The following TRAF2 variants were observed in gnomAD, a reference collection of about 807,000 sequenced individuals.
TRAF2 encodes TNF receptor-associated factor 2.
A neutral mutation model predicts 55.6 loss-of-function variants in TRAF2; 6 were observed. The observed-to-expected ratio is 0.11, with a 90% CI of 0.06 to 0.21. TRAF2 has a LOEUF of 0.21. Among genes scored for constraint, TRAF2 ranks in the 10% least tolerant of loss-of-function variants. The probability of loss-of-function intolerance (pLI) is 1.00; values close to 1 mark genes in which losing one functional copy is unlikely to be tolerated. For synonymous variants in TRAF2, 329 were observed against 276.3 expected (o/e 1.19, Z -1.89); for missense variants, 561 against 684.5 (o/e 0.82, Z 2.01).
chr9:136,913,367 G>A (rs913663020), intron 6 of TRAF2, among the ~76,000 whole-genome samples: 3 of 124,188 alleles, frequency 2.4e-5, no homozygotes, highest in Non-Finnish European at 3.1e-5. Flanking sequence ...GCGCAATCTC[G>A]GTTCACTGCA....
intron 7 of TRAF2, among the ~76,000 whole-genome samples, chr9:136,917,738 G>A (rs910427660): frequency 6.6e-6 from 1 of 152,194 alleles, no homozygotes; most frequent in Non-Finnish European, 1.5e-5. Flanking sequence ...GAAAAGGAGC[G>A]TGGCTGCTTC....
At chr9:136,900,178 AAAAAGAAT>A (rs1849783040) in intron 3 of TRAF2, among the ~76,000 whole-genome samples, 1 of 125,546 alleles carries the variant, frequency 8.0e-6, no homozygotes, top group African/African-American at 3.7e-5. Context: ...TTAAAAAAAA[AAAAAGAAT>A]AAAGGGCCGC....
At chr9:136,904,355 C>T (rs1849895802) in intron 4 of TRAF2, among the ~76,000 whole-genome samples, 1 of 152,138 alleles carries the variant, frequency 6.6e-6, no homozygotes, top group Non-Finnish European at 1.5e-5. Flanking sequence ...AGGTGGGAAC[C>T]CACTGTGCCC....
intron 1 of TRAF2, among the ~76,000 whole-genome samples, chr9:136,896,774 A>G (rs1849689420): frequency 6.6e-6 from 1 of 151,918 alleles, no homozygotes; most frequent in Admixed American, 6.6e-5. Context: ...ACGCCCGGCT[A>G]ATTTTTTGTA....
Position 136,896,310 on chromosome 9 carries a change from C to T in TRAF2, c.-28-2403C>T, listed in dbSNP as rs546658866. Among the ~76,000 whole-genome samples, 5 of 152,324 alleles carry T rather than the reference C, an allele frequency of 3.3e-5. No individual in the cohort carries two copies. The South Asian group carries it at 6.2e-4, about 19-fold the overall frequency. On this transcript the variant is annotated intron_variant, in intron 1 of 10. Transcript: ENST00000247668. ...GAGCATCAGGTGACACGTGCCCCCA[C>T]GGGGAGCGCAAGAAGGCACTGGAGG...
intron 4 of TRAF2, among the ~76,000 whole-genome samples, chr9:136,901,029 G>A (rs1849808168): frequency 6.6e-6 from 1 of 152,170 alleles, no homozygotes; most frequent in African/African-American, 2.4e-5. Context: ...CAGAAATAAT[G>A]GACACACTTG....
chr9:136,915,295 C>A (rs149305573), intron 6 of TRAF2, among the ~76,000 whole-genome samples: 1 of 152,164 alleles, frequency 6.6e-6, no homozygotes, highest in Non-Finnish European at 1.5e-5. Context: ...TCCGCAGCGC[C>A]GTGCGGTCGT....
At chr9:136,899,459 C>T in intron 2 of TRAF2, 135 bp from the exon 3 acceptor site, 3 of 674,136 alleles carry the variant, frequency 4.5e-6, no homozygotes, top group Admixed American at 2.8e-5. Flanking sequence ...TTAACATTTG[C>T]CTGCTGTTGG....
chr9:136,904,226 TAG>T lies in TRAF2; in HGVS notation c.366+3709_366+3710del, dbSNP rs920597375. Reference sequence around the variant, plus strand: ...ATTTTATTACTATTATTTTTAGAAATAGAGTCTCGCTCTGTTGCCTAGGCTAG... The same window carrying T: ...ATTTTATTACTATTATTTTTAGAAATAGTCTCGCTCTGTTGCCTAGGCTAG... On this transcript the variant is annotated intron_variant, in intron 4 of 10. Transcript: ENST00000247668. 7.8e-4 allele frequency among the ~76,000 whole-genome samples: 119 copies of T among 152,258 alleles called. 1 individual carries two copies. The highest frequency in any genetic ancestry group is 2.7e-3 in the African/African-American group (114 of 41,532).
At chr9:136,913,635 C>G (rs748623315) in intron 6 of TRAF2, among the ~76,000 whole-genome samples, 3 of 151,980 alleles carry the variant, frequency 2.0e-5, no homozygotes, top group Non-Finnish European at 2.9e-5. Context: ...TACATTTTTT[C>G]TTTGAGTTTA....
At chr9:136,923,498 C>T (rs1333621863) in intron 9 of TRAF2, among the ~76,000 whole-genome samples, 3 of 150,346 alleles carry the variant, frequency 2.0e-5, no homozygotes, top group African/African-American at 7.4e-5. Flanking sequence ...GTAATCTCAG[C>T]TACTCAGGAG....
chr9:136,918,802 C>T (rs1470252180), intron 7 of TRAF2, among the ~76,000 whole-genome samples: 1 of 151,968 alleles, frequency 6.6e-6, no homozygotes, highest in Admixed American at 6.6e-5. Flanking sequence ...GTGGCGCCAT[C>T]TCGGCTCACT....
chr9:136,892,925 G>C (rs1849610260), intron 1 of TRAF2, among the ~76,000 whole-genome samples: 1 of 152,168 alleles, frequency 6.6e-6, no homozygotes, highest in African/African-American at 2.4e-5. Context: ...CAATGTAATA[G>C]CTTCTGACCA....
intron 1 of TRAF2, among the ~76,000 whole-genome samples, chr9:136,888,989 C>T (rs1322064646): frequency 6.6e-6 from 1 of 152,030 alleles, no homozygotes; most frequent in East Asian, 1.9e-4. Flanking sequence ...CCTCAGCCTC[C>T]CGAGTAGCTG....
Position 136,926,218 on chromosome 9 carries a change from G to GT in TRAF2, c.*318dup. 8.3e-6 allele frequency: 4 copies of GT among 480,036 alleles called. No homozygotes were observed. The highest frequency in any genetic ancestry group is 1.6e-5 in the Non-Finnish European group (4 of 252,902). The allele number at this position is 480,036 out of a possible 1,614,324, so 29.7% of individuals were successfully genotyped here. A position where few individuals can be genotyped will look rare whatever the true frequency, so the allele number is the denominator to read the frequency against. ...TGTGCAGTGAAGGGAGAGGCCCTGG[G>GT]TGGGGGACACTCAGAGTGGGAGCAC... On this transcript the variant is annotated 3_prime_UTR_variant, in exon 11 of 11. Transcript: ENST00000247668.
intron 4 of TRAF2, among the ~76,000 whole-genome samples, 194 bp from the exon 5 acceptor site, chr9:136,907,876 C>T (rs757140923): frequency 1.3e-5 from 2 of 151,826 alleles, no homozygotes; most frequent in African/African-American, 2.4e-5. Context: ...AGAGTGGAGA[C>T]GAGGACACAC....
chr9:136,920,112 A>G (rs1033187128), intron 7 of TRAF2, 122 bp from the exon 8 acceptor site: 25 of 1,260,994 alleles, frequency 2.0e-5, no homozygotes, highest in Middle Eastern at 2.8e-4. Flanking sequence ...CCACCCAGGC[A>G]TCCCTATCTA....
At chr9:136,905,733 A>G (rs894578431) in intron 4 of TRAF2, among the ~76,000 whole-genome samples, 4 of 152,148 alleles carry the variant, frequency 2.6e-5, no homozygotes, top group African/African-American at 2.4e-5. Flanking sequence ...ACAGGGGCTC[A>G]TGCCTGTAAT....
chr9:136,882,745 A>G, upstream of TRAF2: 1 of 985,590 alleles, frequency 1.0e-6, no homozygotes, highest in Non-Finnish European at 1.2e-6. Flanking sequence ...AAACAAGGCG[A>G]GTCCCCAGGC....
Sources: gnomAD v4.1 joint callset for allele counts (sites outside exome capture counted in the v4.1 genomes callset) on GRCh38, gnomAD v4.1.1 for gene constraint, MANE v1.5 for transcripts, NCBI Gene and HGNC (gene_info 2026-07-23, HGNC 2026-07-21) for gene names.